NALF1: variants seen among roughly 807,000 people sequenced by gnomAD.
The protein encoded by NALF1 is family with sequence similarity 155 member A.
In NALF1, 3 loss-of-function variants were observed where a neutral mutation model predicts 48.4. The ratio of observed to expected loss-of-function variants is 0.06; its 90% CI spans 0.03 to 0.16. The LOEUF is 0.16. Ranked by LOEUF, NALF1 falls within the 10% of genes least tolerant of loss-of-function variation. The pLI, the probability that NALF1 is intolerant of heterozygous loss-of-function variation, is 1.00. For missense variants in NALF1, 526 were observed against 571.5 expected (o/e 0.92, Z 0.81); for synonymous variants, 262 against 245.7 (o/e 1.07, Z -0.62).
intron 1 of NALF1, among the ~76,000 whole-genome samples, chr13:107,692,536 C>T (rs1881590865): frequency 6.6e-6 from 1 of 152,066 alleles, no homozygotes; most frequent in Non-Finnish European, 1.5e-5. Context: ...CTAGAAATTA[C>T]TTTAATTCTG....
intron 1 of NALF1, among the ~76,000 whole-genome samples, chr13:107,588,995 T>C (rs907400571): frequency 3.9e-5 from 6 of 152,114 alleles, no homozygotes; most frequent in Admixed American, 2.0e-4. Flanking sequence ...TCCATTTTAA[T>C]TGAAAGTTAG....
At chr13:107,254,277 A>G (rs1338420216) in intron 1 of NALF1, among the ~76,000 whole-genome samples, 1 of 152,098 alleles carries the variant, frequency 6.6e-6, no homozygotes, top group Admixed American at 6.6e-5. Context: ...GCTAGGAATT[A>G]ATAGTCAGAA....
chr13:107,806,910 C>A (rs762502018), intron 1 of NALF1, among the ~76,000 whole-genome samples: 33 of 152,082 alleles, frequency 2.2e-4, no homozygotes, highest in South Asian at 4.1e-4. Context: ...AATTAAATTA[C>A]ATTTGCTGGT....
chr13:107,189,702 T>G (rs927887229), intron 2 of NALF1, among the ~76,000 whole-genome samples: 2 of 152,188 alleles, frequency 1.3e-5, no homozygotes, highest in Non-Finnish European at 2.9e-5. Context: ...GGAATAAAAA[T>G]TGCAACTCCT....
intron 1 of NALF1, among the ~76,000 whole-genome samples, chr13:107,415,102 T>C (rs1186487671): frequency 6.6e-6 from 1 of 152,182 alleles, no homozygotes; most frequent in East Asian, 1.9e-4. Context: ...AAAATAAACT[T>C]CAGGACATTT....
intron 1 of NALF1, among the ~76,000 whole-genome samples, chr13:107,832,999 T>A (rs1879785198): frequency 6.6e-6 from 1 of 152,216 alleles, no homozygotes; most frequent in Non-Finnish European, 1.5e-5. Flanking sequence ...ACCATGGAGC[T>A]AGTCAGCACT....
intron 1 of NALF1, among the ~76,000 whole-genome samples, chr13:107,287,801 G>T (rs1384261468): frequency 1.3e-5 from 2 of 149,598 alleles, no homozygotes; most frequent in Non-Finnish European, 3.0e-5. Flanking sequence ...CACCTCCCAG[G>T]TTCAAATGAT....
chr13:107,589,874 CCAAA>C (rs58624710), intron 1 of NALF1, among the ~76,000 whole-genome samples: 50,780 of 151,362 alleles, frequency 0.34, 9,041 homozygotes, highest in African/African-American at 0.45. Context: ...GGCAGGATAA[CCAAA>C]CAGATTGCAC....
In NALF1 at chr13:107,236,287, A is replaced by C. The variant is rs535534001; in HGVS notation, c.916-25532T>G. On this transcript the variant is annotated intron_variant, in intron 1 of 2. Coordinates refer to ENST00000375915, the MANE Select transcript of NALF1 (RefSeq NM_001080396.3). ...CTGGATGGGGATAAAGGACCAGCAA[A>C]GTACCAAAATTTCTCAGGCTTTCAA... Among the ~76,000 whole-genome samples the C allele has an allele frequency of 2.0e-5, 3 of 152,272 alleles. No homozygotes were observed. The South Asian group carries it at 6.2e-4, about 32-fold the overall frequency.
chr13:107,706,453 A>T (rs1447736885), intron 1 of NALF1, among the ~76,000 whole-genome samples: 1 of 152,226 alleles, frequency 6.6e-6, no homozygotes, highest in Non-Finnish European at 1.5e-5. Flanking sequence ...CATTCTTTTT[A>T]AGAAGATGAG....
intron 1 of NALF1, among the ~76,000 whole-genome samples, chr13:107,408,422 A>AT (rs1233844993): frequency 1.1e-4 from 17 of 151,224 alleles, no homozygotes; most frequent in African/African-American, 2.2e-4. Flanking sequence ...TATACCCACA[A>AT]TTTTTTTTTA....
chr13:107,230,018 G>A (rs1880186754), intron 1 of NALF1, among the ~76,000 whole-genome samples: 1 of 152,210 alleles, frequency 6.6e-6, no homozygotes, highest in African/African-American at 2.4e-5. Context: ...TGAGGGGAAG[G>A]ATAATTAGTA....
intron 1 of NALF1, among the ~76,000 whole-genome samples, chr13:107,787,267 A>T (rs1053375372): frequency 6.2e-4 from 94 of 152,150 alleles, no homozygotes; most frequent in Non-Finnish European, 8.7e-4. Flanking sequence ...ATAAACACTA[A>T]TTTTTTTCAA....
At chr13:107,827,396 C>A (rs1404783573) in intron 1 of NALF1, among the ~76,000 whole-genome samples, 2 of 152,116 alleles carry the variant, frequency 1.3e-5, no homozygotes, top group African/African-American at 4.8e-5. Context: ...TTATGTCTTT[C>A]CTTCAGGTCA....
At chr13:107,340,410 G>A (rs1389614235) in intron 1 of NALF1, among the ~76,000 whole-genome samples, 1 of 145,406 alleles carries the variant, frequency 6.9e-6, no homozygotes, top group East Asian at 2.1e-4. Context: ...CAAAGTGCTG[G>A]AATTACAGAC....
chr13:107,575,665 A>AT (rs1319219600), intron 1 of NALF1, among the ~76,000 whole-genome samples: 1 of 151,850 alleles, frequency 6.6e-6, no homozygotes, highest in Non-Finnish European at 1.5e-5. Flanking sequence ...TTTCTCTCCC[A>AT]TTTTTCCATT....
chr13:107,648,676 T>C (rs190148925), intron 1 of NALF1, among the ~76,000 whole-genome samples: 10 of 152,150 alleles, frequency 6.6e-5, no homozygotes, highest in African/African-American at 2.4e-4. Context: ...AGTATAAATT[T>C]TTAATTTATT....
chr13:107,744,894 T>C (rs1019344045), intron 1 of NALF1, among the ~76,000 whole-genome samples: 2 of 152,218 alleles, frequency 1.3e-5, no homozygotes, highest in African/African-American at 4.8e-5. Context: ...AAAATATCTG[T>C]TTATTTATAT....
chr13:107,517,820 T>C (rs1189760545), intron 1 of NALF1, among the ~76,000 whole-genome samples: 1 of 151,730 alleles, frequency 6.6e-6, no homozygotes, highest in Non-Finnish European at 1.5e-5. Flanking sequence ...CCAGGCCTGG[T>C]GATGCATGAC....
Sources: gnomAD v4.1 joint callset for allele counts (sites outside exome capture counted in the v4.1 genomes callset) on GRCh38, gnomAD v4.1.1 for gene constraint, MANE v1.5 for transcripts, NCBI Gene and HGNC (gene_info 2026-07-23, HGNC 2026-07-21) for gene names.